The following RELT variants were observed in gnomAD, a reference collection of about 807,000 sequenced individuals.
The protein encoded by RELT is RELT TNF receptor.
In RELT, 37 loss-of-function variants were observed where a neutral mutation model predicts 51.1. The ratio of observed to expected loss-of-function variants is 0.72; its 90% CI spans 0.56 to 0.95. RELT has a LOEUF of 0.95. RELT is among the 40% of genes least tolerant of loss of function. The probability of loss-of-function intolerance (pLI) is 0.00; values close to 1 mark genes in which losing one functional copy is unlikely to be tolerated. For missense variants in RELT, 535 were observed against 572.6 expected (o/e 0.93, Z 0.67); for synonymous variants, 241 against 235.7 (o/e 1.02, Z -0.21).
chr11:73,394,753 C>G lies in RELT; in HGVS notation c.1046+19C>G. On this transcript the variant is annotated intron_variant, in intron 9 of 10. Coordinates refer to ENST00000064780, the MANE Select transcript of RELT (RefSeq NM_152222.2). The surrounding 1 kb of genome is among the most constrained non-coding windows in gnomAD (Gnocchi z 4.9). ...TGGGCAGGTGAGATGGGCACAGATG[C>G]AGCAGGGGCAGGTAAAGACGTGACA... 6.2e-7 allele frequency: 1 copy of G among 1,600,130 alleles called. No individual in the cohort carries two copies. The highest frequency in any genetic ancestry group is 8.5e-7 in the Non-Finnish European group (1 of 1,176,712).
At chr11:73,380,206 C>A (rs1405341021) in intron 1 of RELT, among the ~76,000 whole-genome samples, 4 of 152,182 alleles carry the variant, frequency 2.6e-5, no homozygotes, top group African/African-American at 9.7e-5. Context: ...GCTGACGAGA[C>A]CTCTTCCTGA....
rs556195356 is a variant in RELT, at chr11:73,388,944, C to T, written c.-25-168C>T. On this transcript the variant is annotated intron_variant, in intron 1 of 10. Transcript: ENST00000064780. The surrounding 1 kb of genome is among the most constrained non-coding windows in gnomAD (Gnocchi z 4.1). ...CTCCCAGGCAGGGCAGCCCCCTCTG[C>T]TTGGGCCTGTGCTTGCGGGTGTGGA... 6.6e-6 allele frequency among the ~76,000 whole-genome samples: 1 copy of T among 152,322 alleles called. No homozygotes were observed. The highest frequency in any genetic ancestry group is 1.9e-4 in the East Asian group (1 of 5,172).
rs529676912 is a variant in RELT, at chr11:73,393,851, T to C, written c.640T>C (p.Tyr214His). 3 of 1,614,050 alleles carry C rather than the reference T, an allele frequency of 1.9e-6. No homozygotes were observed. In the African/African-American group the frequency reaches 4.0e-5, roughly 22 times the overall value. Residue 214 changes from tyrosine (Y) to histidine (H), a missense_variant, in exon 7 of 11, where the codon TAC becomes CAC. Coordinates refer to ENST00000064780, the MANE Select transcript of RELT (RefSeq NM_152222.2). ...CTCTTCCCCAGGAATCAACCCTGCC[T>C]ACCGGACTGAGGATGCCAATGAGGA... ...GGGGSGINPA[Y>H]RTEDANEDTI...
At chr11:73,391,743 C>T (rs1480207306) in intron 5 of RELT, among the ~76,000 whole-genome samples, 1 of 152,190 alleles carries the variant, frequency 6.6e-6, no homozygotes, top group Admixed American at 6.5e-5. Flanking sequence ...CGCCCCACTG[C>T]ACTCCAGCCT....
intron 1 of RELT, among the ~76,000 whole-genome samples, chr11:73,381,634 G>T (rs559909832): frequency 2.9e-4 from 44 of 152,336 alleles, no homozygotes; most frequent in South Asian, 2.5e-3. Flanking sequence ...CCTGTTGCCT[G>T]TGAACGCTGA....
At chr11:73,390,700 C>G (rs1866197815) in intron 3 of RELT, 55 bp from the exon 4 acceptor site, 1 of 1,609,526 alleles carries the variant, frequency 6.2e-7, no homozygotes, top group South Asian at 1.1e-5. Context: ...TGCCTGGCCC[C>G]CAAGGGTCCT....
chr11:73,378,331 C>G (rs1483393901), intron 1 of RELT, among the ~76,000 whole-genome samples: 1 of 151,500 alleles, frequency 6.6e-6, no homozygotes. Context: ...TGATTACATT[C>G]TAGGGGTGGG....
chr11:73,390,916 G>T lies in RELT; in HGVS notation c.282G>T (p.Trp94Cys). 1 of 1,612,078 alleles carries T rather than the reference G, an allele frequency of 6.2e-7. No individual in the cohort carries two copies. The highest frequency in any genetic ancestry group is 1.1e-5 in the South Asian group (1 of 90,810). Residue 94 changes from tryptophan to cysteine, a missense_variant, in exon 4 of 11, where the codon TGG becomes TGT. Trp to Cys is a radical substitution (Grantham distance 215). Transcript: ENST00000064780. ...GAGATACACTCTGTGGAGACTGCTG[G>T]CCTGGGTAAGCCAAAGGGAGTGCGG... is the stretch of plus-strand genomic sequence containing the variant. ...ATRDTLCGDC[W>C]PGWFGPWGVP...
intron 9 of RELT, 64 bp from the exon 10 acceptor site, chr11:73,395,023 G>A (rs1039480532): frequency 3.7e-5 from 52 of 1,412,436 alleles, no homozygotes; most frequent in Middle Eastern, 3.6e-4. Flanking sequence ...CCCCGGGCAC[G>A]TGCTGCCTTC....
chr11:73,392,441 G>GGGCCC lies in RELT; in HGVS notation c.604_608dup (p.Gly204AlafsTer29). 6.2e-7 allele frequency: 1 copy of GGGCCC among 1,613,240 alleles called. No individual in the cohort carries two copies. The highest frequency in any genetic ancestry group is 8.5e-7 in the Non-Finnish European group (1 of 1,179,896). On this transcript the variant is annotated frameshift_variant, in exon 6 of 11. Transcript: ENST00000064780. LOFTEE classifies it high-confidence loss of function. ...CCACTGCACGGCGCACAAGGAGGTC[G>GGGCCC]GGCCCGGCCCTGGAGGTGGAGGCAG...
chr11:73,381,380 A>G (rs958611398), intron 1 of RELT, among the ~76,000 whole-genome samples: 1 of 152,054 alleles, frequency 6.6e-6, no homozygotes, highest in African/African-American at 2.4e-5. Context: ...GAGCAGTGAG[A>G]GGGGAGGACC....
At position 73,395,681 on chromosome 11, in the gene RELT, T is replaced by C. The variant is rs1006767455; in HGVS notation, c.*190T>C. 10 of 621,988 alleles carry C rather than the reference T, an allele frequency of 1.6e-5. No individual in the cohort carries two copies. In the African/African-American group the frequency reaches 1.8e-4, roughly 11 times the overall value. The allele number at this position is 621,988 out of a possible 1,614,324, so 38.5% of individuals were successfully genotyped here. ...GGAGGCAGGTGGCCGGCGGGCACTGTGTACAGGAGCAGGCTGAGCCCCGCC... is the reference window on the plus strand; with the variant it reads ...GGAGGCAGGTGGCCGGCGGGCACTGCGTACAGGAGCAGGCTGAGCCCCGCC... On this transcript the variant is annotated 3_prime_UTR_variant, in exon 11 of 11. Transcript: ENST00000064780.
intron 1 of RELT, among the ~76,000 whole-genome samples, chr11:73,387,259 C>G (rs1866138898): frequency 6.6e-6 from 1 of 152,152 alleles, no homozygotes; most frequent in Admixed American, 6.5e-5. Flanking sequence ...GCCCCCACCC[C>G]CAGCATCAGG....
chr11:73,392,842 GTGGCAGGAGGGC>G, intron 6 of RELT: 1 of 1,141,628 alleles, frequency 8.8e-7, no homozygotes, highest in Non-Finnish European at 1.1e-6. Flanking sequence ...GGAGTGCCCT[GTGGCAGGAGGGC>G]TGGCAGGGCA....
At chr11:73,379,598 C>G (rs539184321) in intron 1 of RELT, among the ~76,000 whole-genome samples, 152 of 152,346 alleles carry the variant, frequency 1.0e-3, no homozygotes, top group African/African-American at 3.4e-3. Flanking sequence ...CTTCCAGACG[C>G]GGTACCTGCC....
At position 73,376,409 on chromosome 11, in the gene RELT, C is replaced by T. The variant is rs962465832; in HGVS notation, c.-116C>T. On this transcript the variant is annotated 5_prime_UTR_variant, in exon 1 of 11. Transcript: ENST00000064780. ...GCCGGCGATTCATTCAAAAGGCGCG[C>T]AGGCTGCGCGGCTGTCCGGGCGCTC... 6.6e-6 allele frequency: 1 copy of T among 151,932 alleles called. No homozygotes were observed. Among genetic ancestry groups the T allele is most frequent in the Admixed American group, 6.5e-5 (1 of 15,268 alleles). The allele number at this position is 151,932 out of a possible 1,614,324, so 9.4% of individuals were successfully genotyped here.
chr11:73,386,642 T>A (rs1167707710), intron 1 of RELT, among the ~76,000 whole-genome samples: 2 of 152,184 alleles, frequency 1.3e-5, no homozygotes, highest in African/African-American at 4.8e-5. Flanking sequence ...TGTCTATGCG[T>A]GTGCTGGAGT....
At chr11:73,380,187 C>A (rs975637980) in intron 1 of RELT, among the ~76,000 whole-genome samples, 1 of 152,198 alleles carries the variant, frequency 6.6e-6, no homozygotes, top group African/African-American at 2.4e-5. Flanking sequence ...CTCCCACTGC[C>A]GTCTCTGTGC....
At chr11:73,391,487 T>C (rs1055969367) in intron 5 of RELT, among the ~76,000 whole-genome samples, 1 of 152,168 alleles carries the variant, frequency 6.6e-6, no homozygotes, top group Non-Finnish European at 1.5e-5. Flanking sequence ...CATACTGACC[T>C]GTCCCCTGTC....
Sources: gnomAD v4.1 joint callset for allele counts (sites outside exome capture counted in the v4.1 genomes callset) on GRCh38, gnomAD v4.1.1 for gene constraint, Gnocchi (gnomAD v3.1) non-coding constraint, MANE v1.5 for transcripts, NCBI Gene and HGNC (gene_info 2026-07-23, HGNC 2026-07-21) for gene names.